The following AHI1 variants were observed in gnomAD, a reference collection of about 807,000 sequenced individuals.
AHI1 encodes jouberin.
AHI1 carries 123 observed loss-of-function variants against 149.3 expected under a neutral mutation model. The observed-to-expected ratio is 0.82, with a 90% CI of 0.71 to 0.96. The LOEUF is 0.96. Among genes scored for constraint, AHI1 ranks in the 40% least tolerant of loss-of-function variants. AHI1 has a pLI of 0.00. For synonymous variants in AHI1, 475 were observed against 459.8 expected (o/e 1.03, Z -0.42); for missense variants, 1,439 against 1,422.7 (o/e 1.01, Z -0.18).
chr6:135,304,752 C>T (rs1410910514), intron 26 of AHI1, among the ~76,000 whole-genome samples: 1 of 152,186 alleles, frequency 6.6e-6, no homozygotes, highest in Non-Finnish European at 1.5e-5. Context: ...ACCTGTGAGA[C>T]AGAGCGAGAT....
intron 21 of AHI1, among the ~76,000 whole-genome samples, chr6:135,408,651 A>G (rs562011376): frequency 1.3e-5 from 2 of 152,286 alleles, no homozygotes; most frequent in East Asian, 1.9e-4. Flanking sequence ...AGCTGTCTCA[A>G]TGTAGTTCCT....
At chr6:135,318,360 T>C (rs1786287513) in intron 26 of AHI1, 159 bp downstream of exon 26, 1 of 601,516 alleles carries the variant, frequency 1.7e-6, no homozygotes, top group Non-Finnish European at 2.9e-6. Context: ...AAAATGGCTA[T>C]AACGTTTGCC....
intron 23 of AHI1, among the ~76,000 whole-genome samples, chr6:135,361,158 A>G (rs1793801245): frequency 1.3e-5 from 2 of 152,208 alleles, no homozygotes; most frequent in Non-Finnish European, 2.9e-5. Context: ...CCACTGTACT[A>G]TACCTTGAAT....
intron 26 of AHI1, chr6:135,301,068 T>C (rs1387421320): frequency 1.0e-6 from 1 of 985,038 alleles, no homozygotes; most frequent in Non-Finnish European, 1.2e-6. Flanking sequence ...AGAAAAACAA[T>C]AAGCACTTTC....
chr6:135,440,725 A>C (rs888414898), intron 14 of AHI1, among the ~76,000 whole-genome samples: 1 of 152,184 alleles, frequency 6.6e-6, no homozygotes, highest in Admixed American at 6.6e-5. Context: ...TCTCTGTCTG[A>C]CCACGAACTT....
At chr6:135,334,617 AG>A (rs1789095290) in intron 24 of AHI1, among the ~76,000 whole-genome samples, 1 of 152,216 alleles carries the variant, frequency 6.6e-6, no homozygotes, top group Non-Finnish European at 1.5e-5. Context: ...ACATTGAAAA[AG>A]TTTCTAAAAT....
At chr6:135,322,335 T>G (rs1172498846) in intron 25 of AHI1, among the ~76,000 whole-genome samples, 1 of 152,242 alleles carries the variant, frequency 6.6e-6, no homozygotes, top group East Asian at 1.9e-4. Flanking sequence ...AGCACTACTG[T>G]ACTTCTCCCC....
intron 18 of AHI1, among the ~76,000 whole-genome samples, 185 bp from the exon 19 acceptor site, chr6:135,428,944 G>A (rs570712064): frequency 7.9e-5 from 12 of 151,654 alleles, no homozygotes; most frequent in African/African-American, 2.9e-4. Flanking sequence ...AAGAGCCCAG[G>A]GAGTTTATAA....
At chr6:135,350,731 G>C (rs9483829) in intron 24 of AHI1, among the ~76,000 whole-genome samples, 12,184 of 152,168 alleles carry the variant, frequency 0.08, 1,562 homozygotes, top group African/African-American at 0.27. Flanking sequence ...TGTATATTCA[G>C]GGGCAGAGAG....
chr6:135,492,223 C>T lies in AHI1; in HGVS notation c.10+5G>A, dbSNP rs1222293284. 5.2e-6 allele frequency: 8 copies of T among 1,526,076 alleles called. No homozygotes were observed. Among genetic ancestry groups the T allele is most frequent in the Non-Finnish European group, 7.1e-6 (8 of 1,133,082 alleles). 94.5% of individuals were successfully genotyped at this position (1,526,076 alleles called of 1,614,324 possible). ...TTTTATACATAAATTTCATAGAAGTCTTACCTGTAGGCATCTCTCAGCTTT... is the reference window on the plus strand; with the variant it reads ...TTTTATACATAAATTTCATAGAAGTTTTACCTGTAGGCATCTCTCAGCTTT... On this transcript the variant is annotated splice_donor_5th_base_variant and intron_variant, in intron 4 of 28. Transcript: ENST00000265602.
chr6:135,390,120 G>T (rs1468870169), intron 23 of AHI1, among the ~76,000 whole-genome samples: 2 of 152,108 alleles, frequency 1.3e-5, no homozygotes, highest in East Asian at 1.9e-4. Flanking sequence ...GAAGCCAAAA[G>T]ATTGGACACC....
intron 23 of AHI1, among the ~76,000 whole-genome samples, chr6:135,374,115 T>A (rs71547122): frequency 0.015 from 1,354 of 91,840 alleles, 3 homozygotes; most frequent in Non-Finnish European, 0.019. Context: ...TATATTTTTT[T>A]TTTTTTTTTT....
intron 15 of AHI1, among the ~76,000 whole-genome samples, chr6:135,433,910 T>TA (rs970730646): frequency 6.6e-6 from 1 of 151,790 alleles, no homozygotes; most frequent in Non-Finnish European, 1.5e-5. Flanking sequence ...AATGGCTAAC[T>TA]AAAAAAAATT....
chr6:135,317,342 G>C (rs143674400), intron 26 of AHI1, among the ~76,000 whole-genome samples: 1 of 151,466 alleles, frequency 6.6e-6, no homozygotes, highest in African/African-American at 2.4e-5. Context: ...GATTTCTCCT[G>C]TACTTCTCTC....
At chr6:135,300,985 G>C (rs957190142) in intron 26 of AHI1, 20 of 984,376 alleles carry the variant, frequency 2.0e-5, no homozygotes, top group Non-Finnish European at 2.2e-5. Context: ...GTATGCAAGA[G>C]TTTGAATTTG....
At chr6:135,329,353 T>C (rs1788187743) in intron 24 of AHI1, among the ~76,000 whole-genome samples, 1 of 152,190 alleles carries the variant, frequency 6.6e-6, no homozygotes, top group Non-Finnish European at 1.5e-5. Flanking sequence ...TGACTTCAAG[T>C]TGAAGCCAGT....
chr6:135,493,464 T>A (rs758624085), intron 3 of AHI1, among the ~76,000 whole-genome samples: 8 of 152,202 alleles, frequency 5.3e-5, no homozygotes, highest in Non-Finnish European at 1.2e-4. Context: ...AAAACAGACA[T>A]CACTAAATCC....
chr6:135,452,722 C>T (rs1788323326), intron 11 of AHI1, among the ~76,000 whole-genome samples: 1 of 152,024 alleles, frequency 6.6e-6, no homozygotes, highest in Non-Finnish European at 1.5e-5. Context: ...CATTCTTCTC[C>T]CCTTAGTCTC....
chr6:135,353,271 T>C (rs895033906), intron 24 of AHI1, among the ~76,000 whole-genome samples: 3 of 152,166 alleles, frequency 2.0e-5, no homozygotes, highest in South Asian at 2.1e-4. Flanking sequence ...AGTTCTTTTA[T>C]GACAAGTTAT....
Sources: gnomAD v4.1 joint callset for allele counts (sites outside exome capture counted in the v4.1 genomes callset) on GRCh38, gnomAD v4.1.1 for gene constraint, MANE v1.5 for transcripts, NCBI Gene and HGNC (gene_info 2026-07-23, HGNC 2026-07-21) for gene names.